The following OR14I1 variants were observed in gnomAD, a reference collection of about 807,000 sequenced individuals.
OR14I1 encodes olfactory receptor 14I1.
For synonymous variants in OR14I1, 118 were observed against 71.1 expected (o/e 1.66, Z -3.32); for missense variants, 279 against 181.8 (o/e 1.53, Z -3.07).
chr1:248,682,686 T>C (rs2103133229), upstream of OR14I1, among the ~76,000 whole-genome samples: 1 of 152,320 alleles, frequency 6.6e-6, no homozygotes, highest in Non-Finnish European at 1.5e-5. Flanking sequence ...ATAAAACCAA[T>C]AATTTGCTTT....
chr1:248,690,255 C>T, the OR14I1 span, among the ~76,000 whole-genome samples: 3 of 151,774 alleles, frequency 2.0e-5, no homozygotes, highest in Admixed American at 6.6e-5. Flanking sequence ...AATAGAGAAA[C>T]AAAGAAGCCT....
chr1:248,695,774 G>A, the OR14I1 span, among the ~76,000 whole-genome samples: 1 of 152,084 alleles, frequency 6.6e-6, no homozygotes, highest in Non-Finnish European at 1.5e-5. Flanking sequence ...CATTTGCAGG[G>A]CCCATGGTAA....
At chr1:248,682,028 G>A (rs1287825480) in exon 1 of OR14I1, 1 of 781,036 alleles carries the variant, frequency 1.3e-6, no homozygotes, top group Admixed American at 1.7e-5. Context: ...ACACAGCCAA[G>A]ATAAGAGATG....
chr1:248,678,224 CTAAGG>C (rs1661506631), downstream of OR14I1, among the ~76,000 whole-genome samples: 2 of 152,138 alleles, frequency 1.3e-5, no homozygotes, highest in South Asian at 4.1e-4. Context: ...TATAAATAAG[CTAAGG>C]TATCTAATGT....
chr1:248,693,174 C>G, the OR14I1 span, among the ~76,000 whole-genome samples: 1 of 152,130 alleles, frequency 6.6e-6, no homozygotes, highest in African/African-American at 2.4e-5. Context: ...CCTGCATCAC[C>G]TCCCAAGCCA....
the OR14I1 span, among the ~76,000 whole-genome samples, chr1:248,694,635 T>C: frequency 6.6e-6 from 1 of 152,242 alleles, no homozygotes. Flanking sequence ...CTCTGTTTCA[T>C]GGATATGACA....
At chr1:248,701,564 G>A in the OR14I1 span, among the ~76,000 whole-genome samples, 12,330 of 152,134 alleles carry the variant, frequency 0.081, 1,635 homozygotes, top group African/African-American at 0.28. Context: ...ATAAATTTAG[G>A]GTTGATTTTC....
exon 1 of OR14I1, chr1:248,681,822 C>T (rs376659240): frequency 1.3e-5 from 10 of 781,072 alleles, no homozygotes; most frequent in Admixed American, 1.2e-4. Context: ...GCTCCCGAAA[C>T]ATGTTGCCAG....
At chr1:248,697,691 G>A in the OR14I1 span, among the ~76,000 whole-genome samples, 2 of 152,136 alleles carry the variant, frequency 1.3e-5, no homozygotes, top group African/African-American at 4.8e-5. Context: ...ACTGAGGCAG[G>A]AGAATCACTT....
At chr1:248,688,972 G>A in the OR14I1 span, among the ~76,000 whole-genome samples, 1 of 152,212 alleles carries the variant, frequency 6.6e-6, no homozygotes, top group Non-Finnish European at 1.5e-5. Context: ...GCCCTTGGGG[G>A]CTTTCTCTAG....
chr1:248,679,949 A>G (rs1661530659), downstream of OR14I1, among the ~76,000 whole-genome samples: 2 of 152,266 alleles, frequency 1.3e-5, no homozygotes, highest in African/African-American at 4.8e-5. Context: ...AAACATTTAC[A>G]TTCATTTAGA....
the OR14I1 span, chr1:248,698,921 A>G: frequency 1.3e-5 from 2 of 152,236 alleles, no homozygotes; most frequent in African/African-American, 4.8e-5. Flanking sequence ...CAAAGAGACG[A>G]TAACTTCTTA....
exon 1 of OR14I1, chr1:248,681,872 T>C (rs1661572061): frequency 1.3e-6 from 1 of 781,046 alleles, no homozygotes; most frequent in Non-Finnish European, 2.4e-6. Flanking sequence ...AGCCAGGTGG[T>C]GACTGCCATC....
chr1:248,685,126 C>T (rs1252847849), upstream of OR14I1, among the ~76,000 whole-genome samples: 1 of 151,240 alleles, frequency 6.6e-6, no homozygotes, highest in African/African-American at 2.4e-5. Flanking sequence ...GTGAAAAAAG[C>T]TCTCTTTTTT....
the OR14I1 span, among the ~76,000 whole-genome samples, chr1:248,700,245 T>A: frequency 2.0e-5 from 3 of 152,238 alleles, no homozygotes; most frequent in African/African-American, 7.2e-5. Flanking sequence ...GCTACTATTT[T>A]TTAAAATAAC....
At chr1:248,685,062 G>GCAGAGTAACTTTTAAAAC (rs1326703109), upstream of OR14I1, among the ~76,000 whole-genome samples, 2 of 151,698 alleles carry the variant, frequency 1.3e-5, no homozygotes, top group Admixed American at 6.6e-5. Context: ...AAATACTTTT[G>GCAGAGTAACTTTTAAAAC]TGTGTTATAA....
the OR14I1 span, among the ~76,000 whole-genome samples, chr1:248,689,432 C>A: frequency 6.6e-6 from 1 of 152,196 alleles, no homozygotes; most frequent in Admixed American, 6.5e-5. Context: ...TTACCAGATC[C>A]ATTCCAATTC....
upstream of OR14I1, among the ~76,000 whole-genome samples, chr1:248,682,901 G>A (rs992840631): frequency 1.3e-5 from 2 of 152,180 alleles, no homozygotes; most frequent in African/African-American, 4.8e-5. Context: ...CTGGTTTGGA[G>A]AGAGGGAAAT....
chr1:248,684,755 T>C (rs28708664), upstream of OR14I1, among the ~76,000 whole-genome samples: 1,240 of 10,738 alleles, frequency 0.12, 8 homozygotes, highest in Non-Finnish European at 0.47. Flanking sequence ...TACACACACA[T>C]ACATATATAT....
Sources: gnomAD v4.1 joint callset for allele counts (sites outside exome capture counted in the v4.1 genomes callset) on GRCh38, gnomAD v4.1.1 for gene constraint, MANE v1.5 for transcripts, NCBI Gene and HGNC (gene_info 2026-07-23, HGNC 2026-07-21) for gene names.